MSRB3: variants seen among roughly 807,000 people sequenced by gnomAD.
The protein encoded by MSRB3 is methionine-R-sulfoxide reductase B3.
A neutral mutation model predicts 21.0 loss-of-function variants in MSRB3; 13 were observed. The observed-to-expected ratio is 0.62, with a 90% CI of 0.40 to 0.98. The LOEUF (loss-of-function observed/expected upper bound fraction) is 0.98. Among genes scored for constraint, MSRB3 ranks in the 50% least tolerant of loss-of-function variants. The pLI is 0.00. For missense variants in MSRB3, 199 were observed against 230.3 expected (o/e 0.86, Z 0.88); for synonymous variants, 87 against 88.6 (o/e 0.98, Z 0.10).
chr12:65,366,965 G>A (rs1407348270), intron 4 of MSRB3, among the ~76,000 whole-genome samples: 1 of 152,112 alleles, frequency 6.6e-6, no homozygotes. Flanking sequence ...ATACTTAAGG[G>A]ACAGGAGGAG....
intron 5 of MSRB3, among the ~76,000 whole-genome samples, chr12:65,380,733 A>G (rs993205850): frequency 2.0e-5 from 3 of 152,208 alleles, no homozygotes; most frequent in Admixed American, 2.0e-4. Flanking sequence ...ACCATACATT[A>G]TTATTCCCAT....
At chr12:65,297,874 G>A (rs1873072547) in intron 1 of MSRB3, among the ~76,000 whole-genome samples, 1 of 152,130 alleles carries the variant, frequency 6.6e-6, no homozygotes, top group Admixed American at 6.5e-5. Context: ...TGAAAGGGAT[G>A]TATTTGAGCA....
intron 4 of MSRB3, among the ~76,000 whole-genome samples, chr12:65,356,116 G>C (rs1877366114): frequency 6.6e-6 from 1 of 151,788 alleles, no homozygotes; most frequent in Non-Finnish European, 1.5e-5. Flanking sequence ...AGTTTTGCTT[G>C]GGGGCTTACT....
At chr12:65,458,284 G>A (rs1883179320) in intron 6 of MSRB3, among the ~76,000 whole-genome samples, 1 of 152,266 alleles carries the variant, frequency 6.6e-6, no homozygotes, top group East Asian at 1.9e-4. Context: ...TGGTAGGGAT[G>A]ACACCATGCA....
intron 2 of MSRB3, among the ~76,000 whole-genome samples, chr12:65,324,993 A>G (rs1259287721): frequency 1.4e-5 from 2 of 145,194 alleles, no homozygotes; most frequent in African/African-American, 2.4e-5. Context: ...AATTTTAACC[A>G]AGTCATTTTG....
At chr12:65,360,395 T>C (rs938311177) in intron 4 of MSRB3, among the ~76,000 whole-genome samples, 1 of 152,048 alleles carries the variant, frequency 6.6e-6, no homozygotes, top group African/African-American at 2.4e-5. Flanking sequence ...AAGAAACAAT[T>C]ACATTATTTT....
Position 65,352,651 on chromosome 12 carries a change from G to A in MSRB3, c.264-16347G>A, listed in dbSNP as rs9706070. ...CAAAATCAATGTACAAAAATCACAA[G>A]CATTCTTATACACCAATAACAGACA... On this transcript the variant is annotated intron_variant, in intron 4 of 6. Coordinates refer to ENST00000308259, the MANE Select transcript of MSRB3 (RefSeq NM_001031679.3). Among the ~76,000 whole-genome samples the A allele has an allele frequency of 2.5e-3, 385 of 151,902 alleles. 10 individuals carry two copies. The highest frequency in any genetic ancestry group is 0.022 in the Admixed American group (334 of 15,244).
intron 4 of MSRB3, among the ~76,000 whole-genome samples, chr12:65,348,022 T>G (rs1424712445): frequency 6.6e-6 from 1 of 152,330 alleles, no homozygotes; most frequent in South Asian, 2.1e-4. Context: ...TCGATGTTCA[T>G]TAGGGATATT....
At chr12:65,381,122 T>C (rs1400982247) in intron 5 of MSRB3, among the ~76,000 whole-genome samples, 1 of 152,214 alleles carries the variant, frequency 6.6e-6, no homozygotes, top group Non-Finnish European at 1.5e-5. Context: ...AAGATATTCA[T>C]GAAGGATTTG....
intron 4 of MSRB3, among the ~76,000 whole-genome samples, chr12:65,342,698 A>C (rs1366372256): frequency 6.6e-6 from 1 of 152,042 alleles, no homozygotes; most frequent in East Asian, 1.9e-4. Context: ...TCTTCTTATG[A>C]TACAAGAAAT....
intron 5 of MSRB3, among the ~76,000 whole-genome samples, chr12:65,417,427 G>T (rs953103367): frequency 1.3e-5 from 2 of 152,148 alleles, no homozygotes; most frequent in Non-Finnish European, 2.9e-5. Flanking sequence ...TCTGATATAG[G>T]TATGTGTTGT....
At chr12:65,384,232 A>G (rs1407554858) in intron 5 of MSRB3, among the ~76,000 whole-genome samples, 1 of 152,192 alleles carries the variant, frequency 6.6e-6, no homozygotes, top group East Asian at 1.9e-4. Flanking sequence ...TCTTACTGGT[A>G]GATTTAATAA....
chr12:65,420,024 G>A, intron 5 of MSRB3: 1 of 553,324 alleles, frequency 1.8e-6, no homozygotes, highest in South Asian at 1.4e-5. Context: ...TGAAGCTCAT[G>A]CTGTCTGGGG....
intron 5 of MSRB3, chr12:65,419,835 C>T (rs1002433046): frequency 6.4e-6 from 5 of 776,402 alleles, no homozygotes; most frequent in South Asian, 1.4e-5. Flanking sequence ...TCCGGCCAGG[C>T]CCCTGGACCC....
At chr12:65,320,491 G>C (rs1874592068) in intron 2 of MSRB3, among the ~76,000 whole-genome samples, 1 of 152,128 alleles carries the variant, frequency 6.6e-6, no homozygotes, top group Non-Finnish European at 1.5e-5. Flanking sequence ...AGCATTGTTT[G>C]GCCAAAGGGT....
intron 2 of MSRB3, among the ~76,000 whole-genome samples, chr12:65,318,177 T>C (rs955218054): frequency 6.6e-6 from 1 of 152,174 alleles, no homozygotes; most frequent in Non-Finnish European, 1.5e-5. Context: ...AACTGAAGAC[T>C]TGTTTTCTAT....
intron 4 of MSRB3, among the ~76,000 whole-genome samples, chr12:65,358,633 C>G (rs1392031959): frequency 6.6e-6 from 1 of 151,684 alleles, no homozygotes; most frequent in East Asian, 1.9e-4. Flanking sequence ...CTGCCCTAGT[C>G]CTAGAATCAG....
intron 2 of MSRB3, among the ~76,000 whole-genome samples, chr12:65,315,550 C>G (rs1343751951): frequency 6.6e-6 from 1 of 151,644 alleles, no homozygotes; most frequent in Non-Finnish European, 1.5e-5. Context: ...CGCCTGTAAT[C>G]CCAGCTACCC....
intron 5 of MSRB3, among the ~76,000 whole-genome samples, chr12:65,439,097 A>G (rs1310598988): frequency 1.3e-5 from 2 of 151,960 alleles, no homozygotes; most frequent in East Asian, 1.9e-4. Flanking sequence ...TGGTTAAAAC[A>G]TACTAGGCCA....
Sources: allele counts gnomAD v4.1 joint callset (sites outside exome capture counted in the v4.1 genomes callset), GRCh38; gene constraint gnomAD v4.1.1; transcripts MANE v1.5; gene names NCBI Gene and HGNC (gene_info 2026-07-23, HGNC 2026-07-21).